The following PEBP4 variants were observed in gnomAD, a reference collection of about 807,000 sequenced individuals.
The protein encoded by PEBP4 is phosphatidylethanolamine-binding protein 4.
PEBP4 carries 22 observed loss-of-function variants against 23.9 expected under a neutral mutation model. The ratio of observed to expected loss-of-function variants is 0.92; its 90% CI spans 0.66 to 1.31. PEBP4 has a LOEUF of 1.31. PEBP4 is among the 40% of genes most tolerant of loss of function. PEBP4 has a pLI of 0.00. For missense variants in PEBP4, 324 were observed against 281.7 expected (o/e 1.15, Z -1.07); for synonymous variants, 112 against 99.3 (o/e 1.13, Z -0.76).
chr8:22,897,967 G>A (rs1239635303), intron 3 of PEBP4, among the ~76,000 whole-genome samples: 2 of 152,130 alleles, frequency 1.3e-5, no homozygotes, highest in East Asian at 1.9e-4. Context: ...CCTCCACCAC[G>A]TCGGGACACA....
At chr8:22,802,162 C>T (rs183520114) in intron 4 of PEBP4, among the ~76,000 whole-genome samples, 44 of 152,294 alleles carry the variant, frequency 2.9e-4, no homozygotes, top group Non-Finnish European at 5.3e-4. Context: ...CAACAGAACC[C>T]GCTGCAGGAG....
At chr8:22,805,840 C>T (rs1806483946) in intron 4 of PEBP4, among the ~76,000 whole-genome samples, 1 of 151,874 alleles carries the variant, frequency 6.6e-6, no homozygotes, top group Admixed American at 6.6e-5. Context: ...TCTGCAGTGC[C>T]TGAATGAAAC....
intron 4 of PEBP4, among the ~76,000 whole-genome samples, chr8:22,751,892 CTCTT>C (rs151016415): frequency 0.019 from 2,966 of 152,160 alleles, 52 homozygotes; most frequent in African/African-American, 0.042. Flanking sequence ...CAACCACCCT[CTCTT>C]TCTTTTTGTT....
intron 6 of PEBP4, among the ~76,000 whole-genome samples, 176 bp from the exon 7 acceptor site, chr8:22,713,712 T>C (rs1201711816): frequency 1.3e-5 from 2 of 152,162 alleles, no homozygotes; most frequent in Non-Finnish European, 2.9e-5. Flanking sequence ...AGCCCCCAGA[T>C]GTTAGCAGAG....
intron 3 of PEBP4, among the ~76,000 whole-genome samples, chr8:22,911,216 G>A (rs1345988509): frequency 6.6e-6 from 1 of 152,074 alleles, no homozygotes; most frequent in Non-Finnish European, 1.5e-5. Flanking sequence ...ACACCCACAT[G>A]GCCATGATTG....
intron 6 of PEBP4, among the ~76,000 whole-genome samples, chr8:22,719,000 C>T (rs1804468064): frequency 6.6e-6 from 1 of 152,198 alleles, no homozygotes; most frequent in Admixed American, 6.5e-5. Context: ...TTCTCACCCA[C>T]CGAGGCCTGC....
At chr8:22,840,175 C>T (rs551439238) in intron 3 of PEBP4, among the ~76,000 whole-genome samples, 3 of 152,224 alleles carry the variant, frequency 2.0e-5, no homozygotes, top group African/African-American at 7.2e-5. Flanking sequence ...CAGTGTAAAA[C>T]ACGGTTCAGG....
At chr8:22,922,569 T>TA (rs558256194) in intron 2 of PEBP4, among the ~76,000 whole-genome samples, 5 of 112,708 alleles carry the variant, frequency 4.4e-5, no homozygotes, top group African/African-American at 9.3e-5. Flanking sequence ...TACCAAAAAT[T>TA]AAAAAAACAA....
chr8:22,912,946 T>A (rs1378587455), intron 3 of PEBP4, among the ~76,000 whole-genome samples: 1 of 152,202 alleles, frequency 6.6e-6, no homozygotes, highest in Non-Finnish European at 1.5e-5. Flanking sequence ...TGTTAGCACC[T>A]GAGCCCTTCA....
At chr8:22,873,800 A>T (rs1808060481) in intron 3 of PEBP4, among the ~76,000 whole-genome samples, 1 of 152,210 alleles carries the variant, frequency 6.6e-6, no homozygotes, top group Non-Finnish European at 1.5e-5. Flanking sequence ...TGATGGGTAC[A>T]TGTGGAATAT....
chr8:22,916,953 G>A (rs1038656027), intron 3 of PEBP4, among the ~76,000 whole-genome samples: 1 of 152,220 alleles, frequency 6.6e-6, no homozygotes, highest in Non-Finnish European at 1.5e-5. Flanking sequence ...CCAGAGGGAG[G>A]CAGTCAGGGA....
chr8:22,751,684 GA>G (rs1156665376), intron 4 of PEBP4, among the ~76,000 whole-genome samples: 1 of 151,526 alleles, frequency 6.6e-6, no homozygotes, highest in Non-Finnish European at 1.5e-5. Context: ...TGTATTTACA[GA>G]ACATTTTGGG....
At chr8:22,815,114 C>T (rs555797420) in intron 4 of PEBP4, 2 of 152,294 alleles carry the variant, frequency 1.3e-5, no homozygotes, top group Admixed American at 6.5e-5. Flanking sequence ...GCTCTGCTTT[C>T]CCCATCTATA....
intron 1 of PEBP4, among the ~76,000 whole-genome samples, chr8:22,936,166 C>T (rs562569106): frequency 9.9e-5 from 15 of 151,734 alleles, no homozygotes; most frequent in Non-Finnish European, 1.9e-4. Context: ...AAAATTGACA[C>T]TATCAGCCAG....
chr8:22,764,449 C>G (rs1805570573), intron 4 of PEBP4, among the ~76,000 whole-genome samples: 1 of 152,200 alleles, frequency 6.6e-6, no homozygotes, highest in South Asian at 2.1e-4. Context: ...GGCAGCCTCA[C>G]TGTGCACCGC....
chr8:22,767,746 T>G (rs1323617046), intron 4 of PEBP4, among the ~76,000 whole-genome samples: 1 of 152,132 alleles, frequency 6.6e-6, no homozygotes, highest in Non-Finnish European at 1.5e-5. Context: ...ATGTATGTAC[T>G]TGTAACTACA....
chr8:22,749,085 A>G (rs1268441500), intron 4 of PEBP4, among the ~76,000 whole-genome samples: 2 of 152,166 alleles, frequency 1.3e-5, no homozygotes, highest in Non-Finnish European at 2.9e-5. Flanking sequence ...GGGGTGTCCC[A>G]TAGCACCAGT....
intron 3 of PEBP4, among the ~76,000 whole-genome samples, chr8:22,867,518 C>T (rs887764792): frequency 1.4e-4 from 21 of 152,200 alleles, no homozygotes; most frequent in African/African-American, 5.1e-4. Context: ...TTGTCCTCCA[C>T]ACCTGGCCCA....
chr8:22,806,473 G>T (rs929644365), intron 4 of PEBP4, among the ~76,000 whole-genome samples: 1 of 152,070 alleles, frequency 6.6e-6, no homozygotes, highest in Non-Finnish European at 1.5e-5. Context: ...AAATTAGCCA[G>T]GTGTGGTGGC....
Sources: gnomAD v4.1 joint callset for allele counts (sites outside exome capture counted in the v4.1 genomes callset) on GRCh38, gnomAD v4.1.1 for gene constraint, MANE v1.5 for transcripts, NCBI Gene and HGNC (gene_info 2026-07-23, HGNC 2026-07-21) for gene names.